Variants in RBFOX3 observed in about 807,000 individuals in gnomAD.
The protein encoded by RBFOX3 is RNA binding protein fox-1 homolog 3.
RBFOX3 carries 17 observed loss-of-function variants against 48.7 expected under a neutral mutation model. That is an observed-to-expected ratio of 0.35 (90% CI 0.24 to 0.52). The LOEUF is 0.52. Among genes scored for constraint, RBFOX3 ranks in the 20% least tolerant of loss-of-function variants. The pLI, the probability that RBFOX3 is intolerant of heterozygous loss-of-function variation, is 0.94. For missense variants in RBFOX3, 382 were observed against 497.5 expected (o/e 0.77, Z 2.21); for synonymous variants, 212 against 209.5 (o/e 1.01, Z -0.10).
intron 2 of RBFOX3, among the ~76,000 whole-genome samples, chr17:79,399,751 T>C (rs933380588): frequency 2.4e-4 from 37 of 152,234 alleles, no homozygotes; most frequent in African/African-American, 8.2e-4. Flanking sequence ...CAGGCAGATG[T>C]AGCCGAGGCC....
chr17:79,631,182 A>C, the RBFOX3 span, among the ~76,000 whole-genome samples: 1,627 of 152,296 alleles, frequency 0.011, 12 homozygotes, highest in South Asian at 0.02. Context: ...AAACCTCCCC[A>C]GGCGGCTCCA....
At chr17:79,289,000 G>C (rs1008465978) in intron 3 of RBFOX3, among the ~76,000 whole-genome samples, 1 of 152,042 alleles carries the variant, frequency 6.6e-6, no homozygotes, top group Admixed American at 6.5e-5. Context: ...GGACTGGGGT[G>C]GGAATCTTGC....
At chr17:79,616,989 A>C in the RBFOX3 span, among the ~76,000 whole-genome samples, 8 of 152,132 alleles carry the variant, frequency 5.3e-5, no homozygotes, top group African/African-American at 1.9e-4. Context: ...TTCGGCCCTC[A>C]CACACCCAGC....
chr17:79,492,571 T>C (rs1281831033), intron 1 of RBFOX3, among the ~76,000 whole-genome samples: 1 of 152,320 alleles, frequency 6.6e-6, no homozygotes, highest in East Asian at 1.9e-4. Context: ...TTCCCATGCC[T>C]GCGGCCCCGG....
chr17:79,555,866 T>A (rs1271088261), intron 1 of RBFOX3, among the ~76,000 whole-genome samples: 3 of 152,078 alleles, frequency 2.0e-5, no homozygotes, highest in Admixed American at 2.0e-4. Flanking sequence ...ATGATGATGA[T>A]AGTGGTGATG....
intron 1 of RBFOX3, among the ~76,000 whole-genome samples, chr17:79,546,764 G>T (rs2090498100): frequency 6.6e-6 from 1 of 150,462 alleles, no homozygotes; most frequent in African/African-American, 2.5e-5. Flanking sequence ...CCGACTCCCA[G>T]GTTGAAGTGA....
intron 1 of RBFOX3, among the ~76,000 whole-genome samples, chr17:79,590,696 CAA>C (rs2093391280): frequency 6.6e-6 from 1 of 152,156 alleles, no homozygotes; most frequent in African/African-American, 2.4e-5. Flanking sequence ...GAAAGTGGAG[CAA>C]GAGACCAGAC....
At chr17:79,183,750 A>G (rs1038760764) in intron 4 of RBFOX3, among the ~76,000 whole-genome samples, 1 of 151,974 alleles carries the variant, frequency 6.6e-6, no homozygotes, top group African/African-American at 2.4e-5. Context: ...TGGGAGGGGG[A>G]GTCCCTGGCG....
intron 4 of RBFOX3, among the ~76,000 whole-genome samples, chr17:79,221,524 C>T (rs894772020): frequency 6.6e-6 from 1 of 152,338 alleles, no homozygotes; most frequent in Middle Eastern, 3.4e-3. Flanking sequence ...GCCTCAAGGG[C>T]CAGCCCTAGA....
chr17:79,441,586 G>T (rs1212465177), intron 2 of RBFOX3, among the ~76,000 whole-genome samples: 2 of 152,212 alleles, frequency 1.3e-5, no homozygotes, highest in Admixed American at 1.3e-4. Flanking sequence ...TTCCCTCCAA[G>T]CCTCTGGAAG....
At chr17:79,324,411 G>A (rs1023833099) in intron 2 of RBFOX3, among the ~76,000 whole-genome samples, 1 of 152,212 alleles carries the variant, frequency 6.6e-6, no homozygotes, top group African/African-American at 2.4e-5. Flanking sequence ...CAGGGGCTCA[G>A]GAAGCCTCCG....
chr17:79,262,172 C>T (rs2065895437), intron 3 of RBFOX3, among the ~76,000 whole-genome samples: 1 of 152,270 alleles, frequency 6.6e-6, no homozygotes, highest in Non-Finnish European at 1.5e-5. Context: ...GCTCTGTACA[C>T]ACAATGTGGC....
chr17:79,224,028 T>C (rs182952837), intron 4 of RBFOX3, among the ~76,000 whole-genome samples: 51 of 152,256 alleles, frequency 3.3e-4, no homozygotes, highest in African/African-American at 1.2e-3. Flanking sequence ...TGCCGCCTCC[T>C]GCACACCTCG....
rs1470997327 is a variant in RBFOX3, at chr17:79,115,588, T to C, written c.128A>G (p.His43Arg). Residue 43 changes from histidine to arginine, a missense_variant, in exon 5 of 15, where the codon CAT becomes CGT. His to Arg is a conservative substitution (Grantham distance 29). Transcript: ENST00000693108. ...YSGQTPVPTEHGMTLYTPAQT... is the reference protein window; with the variant it reads ...YSGQTPVPTERGMTLYTPAQT... Reference sequence around the variant, plus strand: ...TGCTGGTGTGTACAGGGTCATGCCATGCTCTGTGGGGACCGGGGTCTGGCC... The same window carrying C: ...TGCTGGTGTGTACAGGGTCATGCCACGCTCTGTGGGGACCGGGGTCTGGCC... The C allele has an allele frequency of 7.0e-7, 1 of 1,424,514 alleles. No individual in the cohort carries two copies. The highest frequency in any genetic ancestry group is 9.2e-7 in the Non-Finnish European group (1 of 1,089,048). The allele number at this position is 1,424,514 out of a possible 1,614,324, so 88.2% of individuals were successfully genotyped here.
chr17:79,278,693 C>T (rs1015310313), intron 3 of RBFOX3, among the ~76,000 whole-genome samples: 14 of 152,242 alleles, frequency 9.2e-5, no homozygotes, highest in Non-Finnish European at 1.8e-4. Context: ...CAGCCTCACA[C>T]GAAAGGCACC....
intron 1 of RBFOX3, among the ~76,000 whole-genome samples, chr17:79,532,200 G>GA (rs1304577622): frequency 6.8e-6 from 1 of 147,294 alleles, no homozygotes; most frequent in Non-Finnish European, 1.5e-5. Flanking sequence ...CTGCACTGGA[G>GA]GGGGGAGGGG....
At chr17:79,194,524 T>C (rs1056568752) in intron 4 of RBFOX3, among the ~76,000 whole-genome samples, 5 of 152,042 alleles carry the variant, frequency 3.3e-5, no homozygotes, top group Non-Finnish European at 7.4e-5. Flanking sequence ...GAGAATTGCT[T>C]GAACCTGGGA....
chr17:79,261,529 C>T (rs1045871083), intron 3 of RBFOX3, among the ~76,000 whole-genome samples: 3 of 152,222 alleles, frequency 2.0e-5, no homozygotes, highest in Admixed American at 6.5e-5. Flanking sequence ...CAGGCCTGTG[C>T]GGCTCTCTCT....
At chr17:79,407,426 G>C (rs753049988) in intron 2 of RBFOX3, among the ~76,000 whole-genome samples, 2 of 152,238 alleles carry the variant, frequency 1.3e-5, no homozygotes, top group African/African-American at 4.8e-5. Flanking sequence ...GGCTTCCCCT[G>C]GGGGAGGACA....
Sources: allele counts gnomAD v4.1 joint callset (sites outside exome capture counted in the v4.1 genomes callset), GRCh38; gene constraint gnomAD v4.1.1; transcripts MANE v1.5; gene names NCBI Gene and HGNC (gene_info 2026-07-23, HGNC 2026-07-21).